CCDC171: variants seen among roughly 807,000 people sequenced by gnomAD.
CCDC171 encodes the protein coiled-coil domain-containing protein 171.
In CCDC171, 177 loss-of-function variants were observed where a neutral mutation model predicts 168.2. That is an observed-to-expected ratio of 1.05 (90% CI 0.93 to 1.19). The LOEUF (loss-of-function observed/expected upper bound fraction) is 1.19, where lower values mean the gene tolerates loss of function less well. CCDC171 is among the 50% of genes most tolerant of loss of function. The pLI is 0.00. For synonymous variants in CCDC171, 687 were observed against 540.8 expected, an observed-to-expected ratio of 1.27 and a Z score of -3.75; for missense variants, 1,991 against 1,539.0, an observed-to-expected ratio of 1.29 and a Z score of -4.91.
intron 7 of CCDC171, among the ~76,000 whole-genome samples, chr9:15,625,636 C>G (rs201919401): frequency 2.3e-4 from 35 of 151,844 alleles, no homozygotes; most frequent in Admixed American, 5.9e-4. Context: ...TAGATGTGTG[C>G]TAATATTTCT....
chr9:16,094,613 G>A, the CCDC171 span, among the ~76,000 whole-genome samples: 1 of 152,182 alleles, frequency 6.6e-6, no homozygotes, highest in African/African-American at 2.4e-5. Flanking sequence ...TGGTAGGGAT[G>A]TATATGGAAA....
rs558874221 is a variant in CCDC171, at chr9:15,678,014, A to T, written c.1077-744A>T. Among the ~76,000 whole-genome samples the T allele has an allele frequency of 1.2e-3, 181 of 146,084 alleles. 1 individual carries two copies. The highest frequency in any genetic ancestry group is 3.9e-3 in the African/African-American group (153 of 39,462). ...AACCTTGAACTCCTGGGCTCAAGCAATCCTCCTGCCTCAGCCTCCTGAGTA... is the reference window on the plus strand; with the variant it reads ...AACCTTGAACTCCTGGGCTCAAGCATTCCTCCTGCCTCAGCCTCCTGAGTA... On this transcript the variant is annotated intron_variant, in intron 9 of 25. Coordinates refer to ENST00000380701, the MANE Select transcript of CCDC171 (RefSeq NM_173550.4).
At chr9:16,096,571 T>G in the CCDC171 span, among the ~76,000 whole-genome samples, 3 of 152,206 alleles carry the variant, frequency 2.0e-5, no homozygotes, top group Admixed American at 2.0e-4. Flanking sequence ...ACTTCTCACT[T>G]GTTCTTTGTC....
chr9:15,894,819 C>T (rs1420574156), intron 24 of CCDC171, among the ~76,000 whole-genome samples: 1 of 152,114 alleles, frequency 6.6e-6, no homozygotes, highest in Non-Finnish European at 1.5e-5. Flanking sequence ...CCTCCCTTCT[C>T]CCTGCATATT....
chr9:16,085,528 G>T, the CCDC171 span, among the ~76,000 whole-genome samples: 36 of 152,188 alleles, frequency 2.4e-4, no homozygotes, highest in Admixed American at 5.2e-4. Flanking sequence ...CTGAACACAG[G>T]TCTGCCAGGA....
intron 6 of CCDC171, among the ~76,000 whole-genome samples, chr9:16,030,940 A>G (rs770692727): frequency 5.3e-5 from 8 of 152,170 alleles, no homozygotes; most frequent in Non-Finnish European, 1.0e-4. Context: ...AAAATACTGG[A>G]AACCTTTGCC....
At chr9:15,581,116 A>G (rs910050607) in intron 4 of CCDC171, among the ~76,000 whole-genome samples, 21 of 152,212 alleles carry the variant, frequency 1.4e-4, no homozygotes, top group African/African-American at 5.1e-4. Context: ...CAAAAATTGC[A>G]AGCATTCCTA....
intron 21 of CCDC171, among the ~76,000 whole-genome samples, chr9:15,815,502 C>T (rs2059534576): frequency 9.2e-6 from 1 of 108,192 alleles, no homozygotes; most frequent in African/African-American, 3.5e-5. Flanking sequence ...CAGAGGGTAA[C>T]ATTTTGTGAT....
At chr9:15,699,707 GT>G (rs2051536907) in intron 11 of CCDC171, among the ~76,000 whole-genome samples, 1 of 152,162 alleles carries the variant, frequency 6.6e-6, no homozygotes, top group Admixed American at 6.5e-5. Flanking sequence ...ACTGATTGGT[GT>G]GTTTACAAAC....
chr9:15,799,538 A>C (rs2058719470), intron 21 of CCDC171, among the ~76,000 whole-genome samples: 1 of 151,972 alleles, frequency 6.6e-6, no homozygotes, highest in Admixed American at 6.6e-5. Flanking sequence ...AGATATTTTT[A>C]TACAGACATT....
At chr9:15,950,971 A>G (rs1210075277) in intron 25 of CCDC171, among the ~76,000 whole-genome samples, 4 of 151,588 alleles carry the variant, frequency 2.6e-5, no homozygotes, top group Non-Finnish European at 2.9e-5. Flanking sequence ...AGGGGTTGCA[A>G]TTCTAGTCTC....
At chr9:15,790,611 T>C (rs575419376) in intron 21 of CCDC171, among the ~76,000 whole-genome samples, 1 of 152,358 alleles carries the variant, frequency 6.6e-6, no homozygotes, top group Non-Finnish European at 1.5e-5. Context: ...TTAGATCCCA[T>C]TTGTCAATTT....
At chr9:15,588,795 C>T (rs1400088682) in intron 4 of CCDC171, among the ~76,000 whole-genome samples, 1 of 151,408 alleles carries the variant, frequency 6.6e-6, no homozygotes. Context: ...GCAAGCTCCA[C>T]CTCCCGGGTT....
intron 10 of CCDC171, among the ~76,000 whole-genome samples, chr9:15,687,291 T>C (rs1051379563): frequency 6.6e-6 from 1 of 152,066 alleles, no homozygotes; most frequent in African/African-American, 2.4e-5. Context: ...ACCATAGTCA[T>C]CTATATTCAA....
chr9:15,710,219 T>C (rs1410692590), intron 11 of CCDC171, among the ~76,000 whole-genome samples: 1 of 152,174 alleles, frequency 6.6e-6, no homozygotes, highest in Non-Finnish European at 1.5e-5. Flanking sequence ...TATCAGTTAG[T>C]TTAAATTAGT....
chr9:15,635,257 G>T (rs2046113060), intron 7 of CCDC171, among the ~76,000 whole-genome samples: 1 of 152,178 alleles, frequency 6.6e-6, no homozygotes, highest in South Asian at 2.1e-4. Flanking sequence ...CCTTCAGTCT[G>T]TGGTCGAAGG....
At chr9:15,671,657 C>T (rs984803760) in intron 9 of CCDC171, among the ~76,000 whole-genome samples, 1 of 151,190 alleles carries the variant, frequency 6.6e-6, no homozygotes, top group Admixed American at 6.7e-5. Context: ...TGGTTTCCAG[C>T]TTCATCCATG....
intron 10 of CCDC171, among the ~76,000 whole-genome samples, chr9:15,686,639 T>C (rs1056884552): frequency 6.6e-6 from 1 of 152,040 alleles, no homozygotes; most frequent in South Asian, 2.1e-4. Flanking sequence ...AAATAGACTT[T>C]AGAATAAAAA....
chr9:16,026,401 T>A (rs1833275139), intron 6 of CCDC171, among the ~76,000 whole-genome samples: 2 of 152,088 alleles, frequency 1.3e-5, no homozygotes, highest in African/African-American at 4.8e-5. Flanking sequence ...GGGTGGGAGA[T>A]TCACAAGAAG....
Sources: allele counts gnomAD v4.1 joint callset (sites outside exome capture counted in the v4.1 genomes callset), GRCh38; gene constraint gnomAD v4.1.1; transcripts MANE v1.5; gene names NCBI Gene and HGNC (gene_info 2026-07-23, HGNC 2026-07-21).